Variants in PSAT1 observed in about 807,000 individuals in gnomAD.
The protein encoded by PSAT1 is phosphoserine aminotransferase 1, also known as phosphoserine aminotransferase.
PSAT1 carries 41 observed loss-of-function variants against 40.3 expected under a neutral mutation model. The observed-to-expected ratio is 1.02, with a 90% confidence interval of 0.79 to 1.32. PSAT1 has a LOEUF of 1.32. Among genes scored for constraint, PSAT1 ranks in the 40% most tolerant of loss-of-function variants. PSAT1 has a pLI of 0.00. For synonymous variants in PSAT1, 147 were observed against 170.5 expected, an observed-to-expected ratio of 0.86 and a Z score of 1.07; for missense variants, 406 against 455.8, an observed-to-expected ratio of 0.89 and a Z score of 0.99.
rs1242817260 is a variant in PSAT1 at position 78,327,147 on chromosome 9, G to C, written c.870-904G>C. ...ATTTTTGTATTTTTTTTTTTCAGTC[G>C]AGATGGGGTTTCACCATGTTAATCA... On this transcript the variant is annotated intron_variant, in intron 7 of 8. Coordinates refer to ENST00000376588, the MANE Select transcript of PSAT1 (RefSeq NM_058179.4). 3.3e-5 allele frequency among the ~76,000 whole-genome samples: 5 copies of C among 149,746 alleles called. No homozygotes were observed. The East Asian group carries it at 9.8e-4, about 29-fold the overall frequency.
chr9:78,318,574 G>C lies in PSAT1; in HGVS notation c.869+770G>C, dbSNP rs961872547. Among the ~76,000 whole-genome samples, 94 of 152,152 alleles carry C rather than the reference G, an allele frequency of 6.2e-4. 1 individual carries two copies. The highest frequency in any genetic ancestry group is 4.4e-4 in the Non-Finnish European group (30 of 68,028). ...CATGCCTTGCCTCCTTTAGATTCTAGTGGCTCAGGGTGGTCCTTGATTTGT... is the reference window on the plus strand; with the variant it reads ...CATGCCTTGCCTCCTTTAGATTCTACTGGCTCAGGGTGGTCCTTGATTTGT... On this transcript the variant is annotated intron_variant, in intron 7 of 8. Coordinates refer to ENST00000376588, the MANE Select transcript of PSAT1 (RefSeq NM_058179.4).
chr9:78,322,569 A>T (rs920989285), intron 7 of PSAT1, among the ~76,000 whole-genome samples: 1 of 152,234 alleles, frequency 6.6e-6, no homozygotes, highest in African/African-American at 2.4e-5. Context: ...TTAAAATTTT[A>T]TATGGCTTAA....
chr9:78,321,965 T>G (rs2118695945), intron 7 of PSAT1, among the ~76,000 whole-genome samples: 1 of 152,218 alleles, frequency 6.6e-6, no homozygotes, highest in Non-Finnish European at 1.5e-5. Context: ...TGAGGACTCT[T>G]GTGCTGGTTA....
intron 1 of PSAT1, among the ~76,000 whole-genome samples, chr9:78,297,723 A>T (rs1043346068): frequency 3.9e-5 from 6 of 152,218 alleles, no homozygotes; most frequent in African/African-American, 1.2e-4. Flanking sequence ...AGTGTGAATG[A>T]GTGATGAACG....
chr9:78,321,121 TCTC>T (rs1828423793), intron 7 of PSAT1, among the ~76,000 whole-genome samples: 1 of 152,266 alleles, frequency 6.6e-6, no homozygotes, highest in South Asian at 2.1e-4. Flanking sequence ...GGGCAGGTCA[TCTC>T]CTGGGGAATC....
intron 7 of PSAT1, among the ~76,000 whole-genome samples, chr9:78,327,105 G>C (rs983930374): frequency 8.6e-5 from 13 of 150,564 alleles, no homozygotes; most frequent in Non-Finnish European, 1.0e-4. Context: ...ACAGGTGTGT[G>C]CCAGCACGCC....
intron 8 of PSAT1, 133 bp from the exon 9 acceptor site, chr9:78,328,848 G>A: frequency 5.4e-6 from 4 of 734,142 alleles, no homozygotes; most frequent in Non-Finnish European, 9.8e-6. Context: ...CAGGTGTCGG[G>A]AGTTTTTAGG....
At chr9:78,297,508 TGGTGCGAGGCA>T (rs1336211559) in intron 1 of PSAT1, among the ~76,000 whole-genome samples, 1 of 152,212 alleles carries the variant, frequency 6.6e-6, no homozygotes, top group Admixed American at 6.5e-5. Flanking sequence ...CCCTGACTGC[TGGTGCGAGGCA>T]GTGCACGACT....
chr9:78,306,209 C>T, intron 4 of PSAT1, 105 bp from the exon 5 acceptor site: 3 of 1,254,518 alleles, frequency 2.4e-6, no homozygotes, highest in Admixed American at 1.7e-5. Flanking sequence ...GTCAGTTAGT[C>T]TTTCCCTGCT....
intron 5 of PSAT1, among the ~76,000 whole-genome samples, chr9:78,308,085 G>C (rs932195121): frequency 6.6e-6 from 1 of 152,148 alleles, no homozygotes; most frequent in Non-Finnish European, 1.5e-5. Context: ...GGGAGAGTTA[G>C]AGGCCCCACG....
intron 3 of PSAT1, among the ~76,000 whole-genome samples, chr9:78,302,733 C>CAG (rs1468716998): frequency 9.6e-6 from 1 of 104,246 alleles, no homozygotes; most frequent in Non-Finnish European, 1.9e-5. Flanking sequence ...GACTCCGTCT[C>CAG]AAAAAAAAAA....
At chr9:78,305,842 G>A (rs1828173865) in intron 4 of PSAT1, among the ~76,000 whole-genome samples, 1 of 152,184 alleles carries the variant, frequency 6.6e-6, no homozygotes, top group South Asian at 2.1e-4. Flanking sequence ...GATACTGGGC[G>A]ACAAGTAAAA....
At chr9:78,306,587 C>A in intron 5 of PSAT1, 101 bp downstream of exon 5, 1 of 1,439,058 alleles carries the variant, frequency 6.9e-7, no homozygotes, top group Non-Finnish European at 9.8e-7. Context: ...TGTTTGAGGC[C>A]TGCAGAACCC....
chr9:78,304,743 C>T lies in PSAT1; in HGVS notation c.200C>T (p.Pro67Leu), dbSNP rs373205386. Residue 67 changes from proline (P) to leucine (L), a missense_variant, in exon 4 of 9, where the codon CCA becomes CTA. Transcript: ENST00000376588. Reference sequence around the variant, plus strand: ...CCTATGCTTCTGCCCAGAGCTGTTCCAGACAACTATAAGGTGATTTTTCTG... The same window carrying T: ...CCTATGCTTCTGCCCAGAGCTGTTCTAGACAACTATAAGGTGATTTTTCTG... ...ENLVRELLAV[P>L]DNYKVIFLQG... 5 of 1,613,604 alleles carry T rather than the reference C, an allele frequency of 3.1e-6. No individual in the cohort carries two copies. In the African/African-American group the frequency reaches 6.7e-5, roughly 22 times the overall value.
intron 6 of PSAT1, among the ~76,000 whole-genome samples, chr9:78,309,163 A>C (rs1001653272): frequency 6.6e-6 from 1 of 152,104 alleles, no homozygotes; most frequent in African/African-American, 2.4e-5. Flanking sequence ...TGGTCTTGGT[A>C]ATCCAGGATC....
At chr9:78,322,140 A>G (rs1828437658) in intron 7 of PSAT1, among the ~76,000 whole-genome samples, 1 of 149,130 alleles carries the variant, frequency 6.7e-6, no homozygotes, top group Admixed American at 6.7e-5. Flanking sequence ...ATATAAGTAT[A>G]TAATATATAT....
At chr9:78,313,911 T>C (rs1000484771) in intron 6 of PSAT1, among the ~76,000 whole-genome samples, 1 of 152,162 alleles carries the variant, frequency 6.6e-6, no homozygotes, top group African/African-American at 2.4e-5. Flanking sequence ...CCGTCCAAAG[T>C]GTTGGGATTA....
intron 5 of PSAT1, among the ~76,000 whole-genome samples, chr9:78,306,745 G>T (rs1828190361): frequency 6.6e-6 from 1 of 152,196 alleles, no homozygotes; most frequent in Non-Finnish European, 1.5e-5. Context: ...GCTTTTGAGA[G>T]TGGTTCTTAG....
chr9:78,312,394 C>T (rs1436844615), intron 6 of PSAT1, among the ~76,000 whole-genome samples: 1 of 152,084 alleles, frequency 6.6e-6, no homozygotes, highest in Non-Finnish European at 1.5e-5. Context: ...CTTAGGCCAC[C>T]TGTTAAAAGA....
Sources: gnomAD v4.1 joint callset for allele counts (sites outside exome capture counted in the v4.1 genomes callset) on GRCh38, gnomAD v4.1.1 for gene constraint, MANE v1.5 for transcripts, NCBI Gene and HGNC (gene_info 2026-07-23, HGNC 2026-07-21) for gene names.